Variants in FXR1 observed in about 807,000 individuals in gnomAD.
FXR1 encodes the protein RNA-binding protein FXR1.
In FXR1, 15 loss-of-function variants were observed where a neutral mutation model predicts 84.0. The observed-to-expected ratio is 0.18, with a 90% CI of 0.12 to 0.27. The LOEUF (loss-of-function observed/expected upper bound fraction) is 0.27. Ranked by LOEUF, FXR1 falls within the 10% of genes least tolerant of loss-of-function variation. The probability of loss-of-function intolerance (pLI) is 1.00; values close to 1 mark genes in which losing one functional copy is unlikely to be tolerated. For synonymous variants in FXR1, 245 were observed against 250.7 expected (o/e 0.98, Z 0.21); for missense variants, 480 against 774.4 (o/e 0.62, Z 4.51).
rs749237618 is a variant in FXR1, at chr3:180,948,716, T to C, written c.420-5T>C. The C allele has an allele frequency of 1.8e-5, 27 of 1,469,488 alleles. 1 individual carries two copies. In the South Asian group the frequency reaches 3.1e-4, roughly 17 times the overall value. 91.0% of individuals were successfully genotyped at this position (1,469,488 alleles called of 1,614,324 possible). On this transcript the variant is annotated splice_polypyrimidine_tract_variant and splice_region_variant and intron_variant, in intron 5 of 16. Coordinates refer to ENST00000357559, the MANE Select transcript of FXR1 (RefSeq NM_005087.4). ...GTTCTTACACATAAATTGATTTCTCTCTAGGTGTGCTAATGAAAATGCACA... is the reference window on the plus strand; with the variant it reads ...GTTCTTACACATAAATTGATTTCTCCCTAGGTGTGCTAATGAAAATGCACA...
intron 15 of FXR1, among the ~76,000 whole-genome samples, chr3:180,973,996 G>A (rs1010733013): frequency 6.6e-6 from 1 of 152,054 alleles, no homozygotes; most frequent in Non-Finnish European, 1.5e-5. Context: ...ATTTACTGGA[G>A]ATTTCATTCT....
At chr3:180,943,508 C>G (rs1299082073) in intron 3 of FXR1, among the ~76,000 whole-genome samples, 1 of 152,036 alleles carries the variant, frequency 6.6e-6, no homozygotes, top group African/African-American at 2.4e-5. Flanking sequence ...CTCAGGTGAT[C>G]CACCCGCCTC....
At chr3:180,950,218 C>G (rs1722087529) in intron 7 of FXR1, among the ~76,000 whole-genome samples, 2 of 152,130 alleles carry the variant, frequency 1.3e-5, no homozygotes, top group Admixed American at 1.3e-4. Flanking sequence ...ACTGTGATGT[C>G]TCAGAGAAAT....
intron 1 of FXR1, among the ~76,000 whole-genome samples, chr3:180,921,563 C>A (rs1266968094): frequency 6.6e-6 from 1 of 151,898 alleles, no homozygotes; most frequent in African/African-American, 2.4e-5. Context: ...GCAGTAGCAG[C>A]CTTGACTATT....
At chr3:180,948,017 C>A in intron 4 of FXR1, 81 bp downstream of exon 4, 1 of 781,228 alleles carries the variant, frequency 1.3e-6, no homozygotes, top group Admixed American at 2.3e-5. Flanking sequence ...CTTATTTCAA[C>A]TGTTAGTTTT....
At chr3:180,950,377 C>A (rs1197459756) in intron 7 of FXR1, among the ~76,000 whole-genome samples, 1 of 152,088 alleles carries the variant, frequency 6.6e-6, no homozygotes, top group Admixed American at 6.5e-5. Flanking sequence ...TTCTTTTCCC[C>A]ATTCATTTTA....
At chr3:180,923,433 T>C (rs1475067617) in intron 1 of FXR1, among the ~76,000 whole-genome samples, 5 of 152,230 alleles carry the variant, frequency 3.3e-5, no homozygotes, top group Non-Finnish European at 5.9e-5. Context: ...GGATCCTCTC[T>C]TGTTATACAC....
chr3:180,975,458 TAGCTTTA>T, intron 16 of FXR1, 54 bp downstream of exon 16: 1 of 692,418 alleles, frequency 1.4e-6, no homozygotes, highest in Non-Finnish European at 2.5e-6. Flanking sequence ...TGGTATGGTT[TAGCTTTA>T]TTTTTTTACT....
At chr3:180,918,906 A>G (rs1718220723) in intron 1 of FXR1, among the ~76,000 whole-genome samples, 1 of 152,252 alleles carries the variant, frequency 6.6e-6, no homozygotes, top group Non-Finnish European at 1.5e-5. Context: ...TACTGAGGCT[A>G]AGTGAATCCA....
Position 180,981,820 on chromosome 3 carries a change from A to G in FXR1, c.*5528A>G, listed in dbSNP as rs1054972955. On this transcript the variant is annotated 3_prime_UTR_variant, in exon 17 of 17. Coordinates refer to ENST00000357559, the MANE Select transcript of FXR1 (RefSeq NM_005087.4). ...CATGTATATTTCCCTTTTACAGAGA[A>G]AGCTGAAGCCTCGAGGCTCAGATTT... 1 of 152,016 alleles carries G rather than the reference A, an allele frequency of 6.6e-6. No homozygotes were observed. Among genetic ancestry groups the G allele is most frequent in the Non-Finnish European group, 1.5e-5 (1 of 67,942 alleles). 9.4% of individuals were successfully genotyped at this position (152,016 alleles called of 1,614,324 possible). A position where few individuals can be genotyped will look rare whatever the true frequency, so the allele number is the denominator to read the frequency against.
In FXR1 at chr3:180,957,808, T is replaced by C. The variant is rs376336776; in HGVS notation, c.881-11T>C. 14 of 1,261,954 alleles carry C rather than the reference T, an allele frequency of 1.1e-5. No individual in the cohort carries two copies. Among genetic ancestry groups the C allele is most frequent in the Non-Finnish European group, 1.6e-5 (14 of 870,288 alleles). 78.2% of individuals were successfully genotyped at this position (1,261,954 alleles called of 1,614,324 possible). A position where few individuals can be genotyped will look rare whatever the true frequency, so the allele number is the denominator to read the frequency against. ...TTAGCTTACCATTGTATTTGTTTTC[T>C]CTTACTAAAGGAAAAGTAATTGGAA... On this transcript the variant is annotated splice_polypyrimidine_tract_variant and intron_variant, in intron 9 of 16. Coordinates refer to ENST00000357559, the MANE Select transcript of FXR1 (RefSeq NM_005087.4).
rs1382676191 is a variant in FXR1, at chr3:180,976,710, A to G, written c.*418A>G. ...GGAAAACTAGAATGAAATGCAGTCT[A>G]AAATATTTTGCACTGAATTGTAATT... is the stretch of plus-strand genomic sequence containing the variant. On this transcript the variant is annotated 3_prime_UTR_variant, in exon 17 of 17. Transcript: ENST00000357559. 6.5e-6 allele frequency: 1 copy of G among 153,052 alleles called. No individual in the cohort carries two copies. 9.5% of individuals were successfully genotyped at this position (153,052 alleles called of 1,614,324 possible).
chr3:180,916,274 A>AC (rs1375072639), intron 1 of FXR1, among the ~76,000 whole-genome samples: 2 of 152,178 alleles, frequency 1.3e-5, no homozygotes, highest in Non-Finnish European at 2.9e-5. Flanking sequence ...ACGTTCCATT[A>AC]CCCCACAGAA....
chr3:180,932,090 A>AAAAAAAC (rs1553842548), intron 1 of FXR1, among the ~76,000 whole-genome samples: 2 of 149,896 alleles, frequency 1.3e-5, no homozygotes, highest in East Asian at 1.9e-4. Context: ...AAAAAAAAAA[A>AAAAAAAC]CAACTTTTTT....
intron 16 of FXR1, among the ~76,000 whole-genome samples, chr3:180,975,897 G>A (rs1714180896): frequency 2.0e-5 from 3 of 152,136 alleles, no homozygotes; most frequent in African/African-American, 7.2e-5. Flanking sequence ...GATGTTTTCT[G>A]TGGTTTGGGC....
chr3:180,966,325 C>G (rs1431348606), intron 13 of FXR1, among the ~76,000 whole-genome samples: 5 of 152,090 alleles, frequency 3.3e-5, no homozygotes, highest in South Asian at 2.1e-4. Context: ...CTAGTTACAT[C>G]TATTAACACC....
At chr3:180,914,647 T>C (rs919927057) in intron 1 of FXR1, 7 of 413,504 alleles carry the variant, frequency 1.7e-5, no homozygotes, top group African/African-American at 2.2e-5. Context: ...ATTTTTTTTT[T>C]CCAGTCAATT....
intron 15 of FXR1, among the ~76,000 whole-genome samples, chr3:180,973,927 ATTTATAC>A (rs1196552605): frequency 3.3e-5 from 5 of 152,178 alleles, no homozygotes; most frequent in Non-Finnish European, 7.4e-5. Flanking sequence ...TTTTCATAGA[ATTTATAC>A]TTTATGGACC....
At chr3:180,954,445 A>G (rs1488305849) in intron 9 of FXR1, among the ~76,000 whole-genome samples, 1 of 152,226 alleles carries the variant, frequency 6.6e-6, no homozygotes, top group African/African-American at 2.4e-5. Context: ...TTAAGTGACA[A>G]GAATTTGCAT....
Sources: allele counts gnomAD v4.1 joint callset (sites outside exome capture counted in the v4.1 genomes callset), GRCh38; gene constraint gnomAD v4.1.1; transcripts MANE v1.5; gene names NCBI Gene and HGNC (gene_info 2026-07-23, HGNC 2026-07-21).